CHD2: variants seen among roughly 807,000 people sequenced by gnomAD.
CHD2 encodes the protein ATP-dependent chromatin remodeler CHD2.
Under a neutral mutation model 243.9 loss-of-function variants are expected in CHD2, and 28 were observed. The ratio of observed to expected loss-of-function variants is 0.11; its 90% CI spans 0.09 to 0.16. The LOEUF is 0.16. CHD2 is among the 10% of genes least tolerant of loss of function. The pLI is 1.00. For missense variants in CHD2, 1,386 were observed against 2,209.8 expected, an observed-to-expected ratio of 0.63 and a Z score of 7.47; for synonymous variants, 775 against 779.0, an observed-to-expected ratio of 0.99 and a Z score of 0.09.
intron 2 of CHD2, among the ~76,000 whole-genome samples, chr15:92,918,987 T>G (rs2052899735): frequency 6.6e-6 from 1 of 152,012 alleles, no homozygotes; most frequent in Non-Finnish European, 1.5e-5. Flanking sequence ...GCCTCCAAAG[T>G]AGCTGGGATT....
intron 2 of CHD2, among the ~76,000 whole-genome samples, chr15:92,911,532 G>A (rs2052734611): frequency 6.6e-6 from 1 of 152,184 alleles, no homozygotes; most frequent in South Asian, 2.1e-4. Context: ...GAGGCCAGGA[G>A]TTCGAGACCA....
chr15:92,937,480 T>A (rs767646517), intron 5 of CHD2, 38 bp from the exon 6 acceptor site: 93 of 1,472,250 alleles, frequency 6.3e-5, no homozygotes, highest in Non-Finnish European at 5.2e-5. Flanking sequence ...GAAGGATTCT[T>A]TTAGAAAAAA....
chr15:93,007,934 T>C (rs904590231), intron 34 of CHD2, among the ~76,000 whole-genome samples: 2 of 152,242 alleles, frequency 1.3e-5, no homozygotes, highest in African/African-American at 4.8e-5. Flanking sequence ...TTACACACTT[T>C]GCTTCGGTGG....
Position 92,985,527 on chromosome 15 carries a change from T to C in CHD2, c.3267T>C (p.Thr1089=), listed in dbSNP as rs1427280982. The change falls in exon 26 of 39, where the codon ACT becomes ACC. Residue 1089 remains threonine, a synonymous_variant. Transcript: ENST00000394196. ...KAQTNDSDSD[T]ESKRQAQRSS... is the part of the protein sequence containing the mutation. ...AGACAAATGACAGTGACTCTGACAC[T>C]GAGTCTAAGAGGCAGGCCCAGAGAT... is the stretch of plus-strand genomic sequence containing the variant. 1 of 1,613,986 alleles carries C rather than the reference T, an allele frequency of 6.2e-7. No individual in the cohort carries two copies. The highest frequency in any genetic ancestry group is 1.7e-5 in the Admixed American group (1 of 60,010).
Position 92,997,159 on chromosome 15 carries a change from C to A in CHD2, c.3734+64C>A, listed in dbSNP as rs1049595414. ...GTAAGAAAATAGATTTGAAGTTAGA[C>A]TTTGTGTAGTTCCATAGTATTTTTA... On this transcript the variant is annotated intron_variant, in intron 29 of 38. Transcript: ENST00000394196. This position sits in a 1 kb window ranked among gnomAD's most constrained non-coding sequence, Gnocchi z 4.1. 37 of 1,604,118 alleles carry A rather than the reference C, an allele frequency of 2.3e-5. No individual in the cohort carries two copies. The highest frequency in any genetic ancestry group is 3.1e-5 in the Non-Finnish European group (36 of 1,175,910).
At chr15:92,953,871 A>T (rs1275704977) in intron 14 of CHD2, 1 of 320,768 alleles carries the variant, frequency 3.1e-6, no homozygotes, top group African/African-American at 2.1e-5. Flanking sequence ...TTTATATGAG[A>T]TAATATGGAG....
chr15:92,938,089 G>C (rs1438279405), intron 6 of CHD2, among the ~76,000 whole-genome samples: 1 of 152,214 alleles, frequency 6.6e-6, no homozygotes, highest in Admixed American at 6.5e-5. Flanking sequence ...GGAAAAGGGA[G>C]TCAGAAGACA....
rs191112146 is a variant in CHD2 at position 92,939,431 on chromosome 15, G to A, written c.552-147G>A. 1,476 of 805,852 alleles carry A rather than the reference G, an allele frequency of 1.8e-3. 5 individuals carry two copies. Among genetic ancestry groups the A allele is most frequent in the Non-Finnish European group, 2.6e-3 (1,376 of 533,474 alleles). The allele number at this position is 805,852 out of a possible 1,614,324, so 49.9% of individuals were successfully genotyped here. On this transcript the variant is annotated intron_variant, in intron 6 of 38. Coordinates refer to ENST00000394196, the MANE Select transcript of CHD2 (RefSeq NM_001271.4). ...TAGTGAATTAGAATTTCAGGGAGTA[G>A]GGCCCAAGAATATGCATGTTTAACA...
At chr15:92,977,924 GT>G (rs2053930959) in intron 20 of CHD2, among the ~76,000 whole-genome samples, 1 of 152,160 alleles carries the variant, frequency 6.6e-6, no homozygotes, top group South Asian at 2.1e-4. Context: ...TTGTTTGTCT[GT>G]TTTTATTATT....
chr15:93,001,885 C>G (rs1399295735), intron 32 of CHD2, among the ~76,000 whole-genome samples: 1 of 152,172 alleles, frequency 6.6e-6, no homozygotes, highest in African/African-American at 2.4e-5. Context: ...GGTATATAAT[C>G]TCTTTGGTAC....
chr15:93,015,434 C>CAT (rs1428061423), intron 37 of CHD2, among the ~76,000 whole-genome samples: 2 of 151,954 alleles, frequency 1.3e-5, no homozygotes, highest in Admixed American at 6.6e-5. Flanking sequence ...CATGAACAAA[C>CAT]GAAAAAGACT....
intron 26 of CHD2, among the ~76,000 whole-genome samples, chr15:92,989,699 T>C (rs2054091909): frequency 6.6e-6 from 1 of 152,214 alleles, no homozygotes; most frequent in Non-Finnish European, 1.5e-5. Flanking sequence ...CAACTCTGCC[T>C]TAACTTTCAG....
intron 24 of CHD2, among the ~76,000 whole-genome samples, 163 bp from the exon 25 acceptor site, chr15:92,984,167 G>C (rs1356258065): frequency 6.6e-6 from 1 of 151,956 alleles, no homozygotes; most frequent in African/African-American, 2.4e-5. Flanking sequence ...GATTTTTGGG[G>C]GTATAAAGGA....
chr15:92,951,495 G>A (rs2053554041), intron 13 of CHD2, among the ~76,000 whole-genome samples: 2 of 152,048 alleles, frequency 1.3e-5, no homozygotes, highest in Admixed American at 6.6e-5. Flanking sequence ...TTAAACCAAA[G>A]GAATAAAAAT....
chr15:92,915,104 G>GT (rs1009020874), intron 2 of CHD2: 84 of 152,314 alleles, frequency 5.5e-4, no homozygotes, highest in African/African-American at 2.0e-3. Flanking sequence ...CATAGATTCT[G>GT]TTTAACACTG....
chr15:92,919,383 A>C (rs1339356064), intron 2 of CHD2, among the ~76,000 whole-genome samples: 1 of 151,446 alleles, frequency 6.6e-6, no homozygotes, highest in Non-Finnish European at 1.5e-5. Flanking sequence ...GGTTCCAAAA[A>C]CAATTTAAAA....
chr15:92,972,826 G>A lies in CHD2; in HGVS notation c.2505+409G>A, dbSNP rs2053859547. Among the ~76,000 whole-genome samples, 2 of 10,302 alleles carry A rather than the reference G, an allele frequency of 1.9e-4. 1 individual carries two copies. Among genetic ancestry groups the A allele is most frequent in the Non-Finnish European group, 1.0e-3 (2 of 1,926 alleles). 6.8% of individuals were successfully genotyped at this position (10,302 alleles called of 152,430 possible). The stretch of plus-strand genomic sequence containing the variant: ...AGATCCCGCCACTGCACTCCAGCCT[G>A]GGCGACAGAGCGAGACTCCGTCTCA... On this transcript the variant is annotated intron_variant, in intron 19 of 38. Coordinates refer to ENST00000394196, the MANE Select transcript of CHD2 (RefSeq NM_001271.4).
rs141215338 is a variant in CHD2 at position 93,019,520 on chromosome 15, T to C, written c.4907-492T>C. Among the ~76,000 whole-genome samples, 1,073 of 152,288 alleles carry C rather than the reference T, an allele frequency of 7.0e-3. 7 individuals carry two copies. Among genetic ancestry groups the C allele is most frequent in the Non-Finnish European group, 0.013 (860 of 67,994 alleles). ...CAAGACCAAGAAGAAAGAAATTTAA[T>C]GTCTGTTTGTAACATGTGTCAGGCT... On this transcript the variant is annotated intron_variant, in intron 37 of 38. Transcript: ENST00000394196.
At chr15:92,979,345 A>G in intron 22 of CHD2, 62 bp downstream of exon 22, 1 of 1,567,286 alleles carries the variant, frequency 6.4e-7, no homozygotes, top group Non-Finnish European at 8.7e-7. Context: ...ACTGTTGGAT[A>G]TAATAGGATT....
Sources: allele counts gnomAD v4.1 joint callset (sites outside exome capture counted in the v4.1 genomes callset), GRCh38; gene constraint gnomAD v4.1.1; non-coding constraint Gnocchi (gnomAD v3.1); transcripts MANE v1.5; gene names NCBI Gene and HGNC (gene_info 2026-07-23, HGNC 2026-07-21).